The following ANKS1B variants were observed in gnomAD, a reference collection of about 807,000 sequenced individuals.
ANKS1B encodes the protein ankyrin repeat and sterile alpha motif domain-containing protein 1B.
Under a neutral mutation model 148.3 loss-of-function variants are expected in ANKS1B, and 36 were observed. That is an observed-to-expected ratio of 0.24 (90% CI 0.19 to 0.32). The LOEUF (loss-of-function observed/expected upper bound fraction) is 0.32. ANKS1B is among the 10% of genes least tolerant of loss of function. The pLI is 1.00. For synonymous variants in ANKS1B, 542 were observed against 560.8 expected, an observed-to-expected ratio of 0.97 and a Z score of 0.47; for missense variants, 1,157 against 1,542.6, an observed-to-expected ratio of 0.75 and a Z score of 4.19.
At chr12:99,236,969 G>C (rs2088094138) in intron 14 of ANKS1B, among the ~76,000 whole-genome samples, 2 of 152,066 alleles carry the variant, frequency 1.3e-5, no homozygotes, top group Non-Finnish European at 2.9e-5. Flanking sequence ...GGTGGGAGGA[G>C]GGAGAGAGTC....
intron 16 of ANKS1B, among the ~76,000 whole-genome samples, chr12:99,067,258 T>G (rs2044662726): frequency 6.6e-6 from 1 of 152,188 alleles, no homozygotes; most frequent in African/African-American, 2.4e-5. Context: ...CACCAGCAGT[T>G]GGCAATGATG....
Position 99,113,926 on chromosome 12 carries a change from A to G in ANKS1B, c.2527-28903T>C, listed in dbSNP as rs1478542827. 3.9e-5 allele frequency among the ~76,000 whole-genome samples: 6 copies of G among 152,220 alleles called. No homozygotes were observed. The East Asian group carries it at 7.7e-4, about 20-fold the overall frequency. ...TAAAAGGTGATCTTTAGTTATACCT[A>G]TAGTCATTCCTTTCCATATACTCTA... On this transcript the variant is annotated intron_variant, in intron 15 of 26. Coordinates refer to ENST00000683438, the MANE Select transcript of ANKS1B (RefSeq NM_001352186.2).
intron 12 of ANKS1B, among the ~76,000 whole-genome samples, chr12:99,271,960 T>C (rs1364267350): frequency 6.6e-6 from 1 of 152,072 alleles, no homozygotes; most frequent in Non-Finnish European, 1.5e-5. Flanking sequence ...GCTAATAGAA[T>C]ACATGTCAGT....
chr12:99,661,520 C>G (rs1012410335), intron 8 of ANKS1B, among the ~76,000 whole-genome samples: 5 of 152,160 alleles, frequency 3.3e-5, no homozygotes, highest in Non-Finnish European at 7.3e-5. Context: ...CAACCCGACC[C>G]TTGGTTTGGT....
At chr12:99,026,267 T>A (rs1386382723) in intron 17 of ANKS1B, among the ~76,000 whole-genome samples, 1 of 151,942 alleles carries the variant, frequency 6.6e-6, no homozygotes, top group African/African-American at 2.4e-5. Flanking sequence ...CAAGGAAGAG[T>A]CTCTATTTCG....
At chr12:99,477,755 CTT>C (rs1187930279) in intron 10 of ANKS1B, among the ~76,000 whole-genome samples, 4 of 152,030 alleles carry the variant, frequency 2.6e-5, no homozygotes, top group African/African-American at 9.7e-5. Context: ...AACTGGGAAA[CTT>C]TTGAGAGTGA....
intron 10 of ANKS1B, among the ~76,000 whole-genome samples, chr12:99,474,217 T>C (rs2096282362): frequency 6.6e-6 from 1 of 152,138 alleles, no homozygotes; most frequent in Admixed American, 6.5e-5. Flanking sequence ...GTCATGAAAG[T>C]ACAAAGTTGG....
chr12:99,666,893 T>TGG (rs1567601467), intron 8 of ANKS1B, among the ~76,000 whole-genome samples: 1 of 145,026 alleles, frequency 6.9e-6, no homozygotes, highest in African/African-American at 2.6e-5. Flanking sequence ...TGTGTGTGTG[T>TGG]GTGGTGAGGA....
chr12:99,346,230 T>C (rs1477812610), intron 12 of ANKS1B, among the ~76,000 whole-genome samples: 2 of 152,008 alleles, frequency 1.3e-5, no homozygotes, highest in East Asian at 3.9e-4. Flanking sequence ...TTTTAGCTTA[T>C]AGGATTTCTA....
intron 1 of ANKS1B, among the ~76,000 whole-genome samples, chr12:99,830,608 A>G (rs2153688223): frequency 6.6e-6 from 1 of 151,172 alleles, no homozygotes; most frequent in African/African-American, 2.4e-5. Flanking sequence ...CCAGTCATAC[A>G]TATAGGAATA....
chr12:99,283,236 T>C (rs541224110), intron 12 of ANKS1B, among the ~76,000 whole-genome samples: 1 of 152,296 alleles, frequency 6.6e-6, no homozygotes, highest in South Asian at 2.1e-4. Context: ...TTAATAAATG[T>C]TATTCCTGAC....
chr12:99,127,329 T>C (rs950599877), intron 15 of ANKS1B, among the ~76,000 whole-genome samples: 2 of 152,036 alleles, frequency 1.3e-5, no homozygotes, highest in Non-Finnish European at 2.9e-5. Flanking sequence ...TTCTCTCATC[T>C]GCCCGATTAC....
chr12:99,016,581 G>A (rs1329204327), intron 17 of ANKS1B, among the ~76,000 whole-genome samples: 4 of 152,132 alleles, frequency 2.6e-5, no homozygotes, highest in African/African-American at 4.8e-5. Context: ...GCTTGAAGCC[G>A]GGAGGTGGAG....
intron 9 of ANKS1B, chr12:98,735,689 T>TAATA (rs2097769199): frequency 5.6e-6 from 4 of 709,918 alleles, no homozygotes; most frequent in Non-Finnish European, 1.1e-5. Context: ...TGCATTTGTT[T>TAATA]AATAAATATT....
At chr12:99,212,909 CTA>C (rs2083545710) in intron 14 of ANKS1B, among the ~76,000 whole-genome samples, 1 of 152,160 alleles carries the variant, frequency 6.6e-6, no homozygotes, top group African/African-American at 2.4e-5. Context: ...CTGATGATGC[CTA>C]TCTCATTTTT....
At position 98,949,460 on chromosome 12, in the gene ANKS1B, A is replaced by G. The variant is rs2099850853; in HGVS notation, c.2778+103697T>C. ...GTAGGATGCCAGATAATTTGTTTAA[A>G]TTTTTGATCTTTAAAATCTTGACTC... On this transcript the variant is annotated intron_variant, in intron 17 of 26. Transcript: ENST00000683438. Among the ~76,000 whole-genome samples the G allele has an allele frequency of 2.0e-5, 3 of 152,152 alleles. No homozygotes were observed. The South Asian group carries it at 6.2e-4, about 32-fold the overall frequency.
intron 16 of ANKS1B, among the ~76,000 whole-genome samples, chr12:99,058,231 CTTTTTTT>C (rs1032294121): frequency 8.0e-6 from 1 of 124,638 alleles, no homozygotes; most frequent in Admixed American, 8.4e-5. Flanking sequence ...CATGCCACAT[CTTTTTTT>C]TTTTTTTTTT....
At chr12:99,491,530 C>A (rs950108466) in intron 10 of ANKS1B, among the ~76,000 whole-genome samples, 4 of 152,052 alleles carry the variant, frequency 2.6e-5, no homozygotes, top group Admixed American at 1.3e-4. Flanking sequence ...CTGATCCTCA[C>A]CCTCTTCCCA....
intron 1 of ANKS1B, among the ~76,000 whole-genome samples, chr12:99,852,475 G>C (rs1178758571): frequency 1.3e-5 from 2 of 152,074 alleles, no homozygotes; most frequent in African/African-American, 4.8e-5. Flanking sequence ...TAGGCACTGG[G>C]GATTAACATT....
Sources: gnomAD v4.1 joint callset for allele counts (sites outside exome capture counted in the v4.1 genomes callset) on GRCh38, gnomAD v4.1.1 for gene constraint, MANE v1.5 for transcripts, NCBI Gene and HGNC (gene_info 2026-07-23, HGNC 2026-07-21) for gene names.